Variants in ADAM12 observed in about 807,000 individuals in gnomAD.
ADAM12 encodes ADAM metallopeptidase domain 12.
A neutral mutation model predicts 106.4 loss-of-function variants in ADAM12; 70 were observed. That is an observed-to-expected ratio of 0.66 (90% CI 0.54 to 0.80). The LOEUF is 0.80. ADAM12 is among the 30% of genes least tolerant of loss of function. The pLI is 0.00. For missense variants in ADAM12, 1,010 were observed against 1,171.9 expected, an observed-to-expected ratio of 0.86 and a Z score of 2.02; for synonymous variants, 420 against 433.5, an observed-to-expected ratio of 0.97 and a Z score of 0.39.
rs531134658 is a variant in ADAM12 at position 126,241,517 on chromosome 10, G to A, written c.260+37398C>T. ...CTCAAACTGGCAGAATTTCTCTCTGGATGAGGTCTCTGCCTTCCAACAAGC... is the reference window on the plus strand; with the variant it reads ...CTCAAACTGGCAGAATTTCTCTCTGAATGAGGTCTCTGCCTTCCAACAAGC... On this transcript the variant is annotated intron_variant, in intron 3 of 22. Transcript: ENST00000448723. Among the ~76,000 whole-genome samples the A allele has an allele frequency of 1.4e-3, 210 of 152,280 alleles. 1 individual carries two copies. Among genetic ancestry groups the A allele is most frequent in the Middle Eastern group, 3.4e-3 (1 of 294 alleles).
intron 1 of ADAM12, among the ~76,000 whole-genome samples, chr10:126,343,727 G>T (rs1055064088): frequency 6.6e-6 from 1 of 152,134 alleles, no homozygotes; most frequent in Non-Finnish European, 1.5e-5. Flanking sequence ...CATTCTAACT[G>T]GTGTGAAATG....
rs747581649 is a variant in ADAM12 at position 126,015,846 on chromosome 10, CTGAG to C, written c.*1429_*1432del. ...GAGGCATCATGGCATTTTACCTTATCTGAGTATTTTTGTATTTCTCATGCCATTA... is the reference window on the plus strand; with the variant it reads ...GAGGCATCATGGCATTTTACCTTATCTATTTTTGTATTTCTCATGCCATTA... On this transcript the variant is annotated 3_prime_UTR_variant, in exon 23 of 23. Coordinates refer to ENST00000448723, the MANE Select transcript of ADAM12 (RefSeq NM_001288973.2). 3.5e-4 allele frequency: 54 copies of C among 152,304 alleles called. No homozygotes were observed. The highest frequency in any genetic ancestry group is 3.4e-3 in the Middle Eastern group (1 of 294). 9.4% of individuals were successfully genotyped at this position (152,304 alleles called of 1,614,324 possible).
At chr10:126,140,433 C>G (rs992964064) in intron 4 of ADAM12, among the ~76,000 whole-genome samples, 1 of 152,158 alleles carries the variant, frequency 6.6e-6, no homozygotes, top group African/African-American at 2.4e-5. Context: ...ATTTCCAGTT[C>G]AACAACTCAC....
intron 21 of ADAM12, among the ~76,000 whole-genome samples, chr10:126,035,006 A>G (rs987784623): frequency 1.3e-5 from 2 of 152,190 alleles, no homozygotes; most frequent in African/African-American, 4.8e-5. Flanking sequence ...ACATGAAGCA[A>G]AAACTGATGA....
At position 126,085,977 on chromosome 10, in the gene ADAM12, G is replaced by A. The variant is rs537938680; in HGVS notation, c.1145+8008C>T. On this transcript the variant is annotated intron_variant, in intron 11 of 22. Transcript: ENST00000448723. ...ACCCTACACTGTGGCCTCTGTGCCT[G>A]GGGAGAGGAGGAAGCCATGGGGGTA... Among the ~76,000 whole-genome samples, 6 of 152,320 alleles carry A rather than the reference G, an allele frequency of 3.9e-5. No homozygotes were observed. In the South Asian group the frequency reaches 1.2e-3, roughly 32 times the overall value.
chr10:126,362,664 T>C (rs1454868113), intron 1 of ADAM12, among the ~76,000 whole-genome samples: 1 of 152,202 alleles, frequency 6.6e-6, no homozygotes, highest in Non-Finnish European at 1.5e-5. Context: ...TTGGAGATCA[T>C]ACTAAGTGAA....
intron 3 of ADAM12, among the ~76,000 whole-genome samples, chr10:126,208,802 A>G (rs1460764478): frequency 1.3e-5 from 2 of 152,074 alleles, no homozygotes; most frequent in Admixed American, 6.6e-5. Context: ...TCTTTAAATC[A>G]TATCCATCAG....
chr10:126,120,777 T>C (rs901056086), intron 5 of ADAM12, among the ~76,000 whole-genome samples: 5 of 150,656 alleles, frequency 3.3e-5, no homozygotes, highest in Admixed American at 2.7e-4. Flanking sequence ...CCAACATACA[T>C]AACCACAAAA....
At chr10:126,245,586 G>T (rs1958613397) in intron 3 of ADAM12, among the ~76,000 whole-genome samples, 1 of 152,098 alleles carries the variant, frequency 6.6e-6, no homozygotes, top group Non-Finnish European at 1.5e-5. Context: ...GAAGCCTAAA[G>T]AATCCAGACC....
At chr10:126,056,389 C>T (rs1319680782) in intron 14 of ADAM12, among the ~76,000 whole-genome samples, 1 of 152,184 alleles carries the variant, frequency 6.6e-6, no homozygotes, top group African/African-American at 2.4e-5. Flanking sequence ...ATGCATTTCT[C>T]TATGGAATCA....
At chr10:126,261,170 G>A (rs1489823326) in intron 3 of ADAM12, among the ~76,000 whole-genome samples, 1 of 151,966 alleles carries the variant, frequency 6.6e-6, no homozygotes, top group Non-Finnish European at 1.5e-5. Flanking sequence ...TTGAATTTTG[G>A]TACCCATGAG....
intron 2 of ADAM12, among the ~76,000 whole-genome samples, chr10:126,323,335 T>C (rs1854172462): frequency 6.6e-6 from 1 of 152,212 alleles, no homozygotes. Flanking sequence ...CCCACCCATG[T>C]AGAGTAACAG....
intron 3 of ADAM12, among the ~76,000 whole-genome samples, chr10:126,219,937 G>A (rs1958058735): frequency 1.3e-5 from 2 of 152,172 alleles, no homozygotes; most frequent in South Asian, 4.1e-4. Flanking sequence ...AAGGCCACTG[G>A]GAATTGGAAA....
intron 2 of ADAM12, among the ~76,000 whole-genome samples, chr10:126,309,595 A>G (rs991754160): frequency 2.0e-5 from 3 of 152,218 alleles, no homozygotes; most frequent in African/African-American, 7.2e-5. Flanking sequence ...GGTCCAGAAA[A>G]TGGAGATAAA....
At chr10:126,265,567 T>G (rs910586464) in intron 3 of ADAM12, among the ~76,000 whole-genome samples, 2 of 152,182 alleles carry the variant, frequency 1.3e-5, no homozygotes, top group Non-Finnish European at 2.9e-5. Context: ...GAGGACCACC[T>G]GCAATGTCAT....
chr10:126,181,911 G>C (rs866428932), intron 3 of ADAM12, among the ~76,000 whole-genome samples: 1 of 152,174 alleles, frequency 6.6e-6, no homozygotes, highest in African/African-American at 2.4e-5. Context: ...ATGATTTCTG[G>C]GGTCTTTAAT....
chr10:126,038,181 G>GTATTGAAAACCTCATGTCTGCAT, intron 20 of ADAM12, 60 bp downstream of exon 20: 1 of 1,407,364 alleles, frequency 7.1e-7, no homozygotes, highest in East Asian at 2.4e-5. Flanking sequence ...ATTCAGTCTC[G>GTATTGAAAACCTCATGTCTGCAT]TATTGAAAAC....
At chr10:126,339,937 C>T (rs548701224) in intron 1 of ADAM12, among the ~76,000 whole-genome samples, 1 of 149,552 alleles carries the variant, frequency 6.7e-6, no homozygotes, top group East Asian at 2.0e-4. Context: ...TCACTGCAAC[C>T]TCTGACTTCC....
rs1335251905 is a variant in ADAM12, at chr10:126,043,095, G to A, written c.2049C>T (p.Phe683=). The A allele has an allele frequency of 6.2e-7, 1 of 1,614,212 alleles. No individual in the cohort carries two copies. Among genetic ancestry groups the A allele is most frequent in the Non-Finnish European group, 8.5e-7 (1 of 1,180,030 alleles). ...CHCEAHWAPP[F]CDKFGFGGST... The stretch of plus-strand genomic sequence containing the variant: ...TTCCTCCAAAGCCAAACTTGTCACA[G>A]AAGGGAGGTGCCCAGTGGGCCTCGC... Residue 683 remains phenylalanine (F), a synonymous_variant, in exon 18 of 23, where the codon TTC becomes TTT. Transcript: ENST00000448723. The surrounding 1 kb of genome is among the most constrained non-coding windows in gnomAD (Gnocchi z 4.1).
Sources: allele counts gnomAD v4.1 joint callset (sites outside exome capture counted in the v4.1 genomes callset), GRCh38; gene constraint gnomAD v4.1.1; non-coding constraint Gnocchi (gnomAD v3.1); transcripts MANE v1.5; gene names NCBI Gene and HGNC (gene_info 2026-07-23, HGNC 2026-07-21).